Variants in TLR9 observed in about 807,000 individuals in gnomAD.
The protein encoded by TLR9 is toll-like receptor 9.
A neutral mutation model predicts 24.6 loss-of-function variants in TLR9; 19 were observed. That is an observed-to-expected ratio of 0.77 (90% confidence interval 0.54 to 1.13). TLR9 has a LOEUF of 1.13. TLR9 is among the 50% of genes most tolerant of loss of function. The probability of loss-of-function intolerance (pLI) is 0.00; values close to 1 mark genes in which losing one functional copy is unlikely to be tolerated. For synonymous variants in TLR9, 579 were observed against 609.8 expected (o/e 0.95, Z 0.74); for missense variants, 1,065 against 1,379.6 (o/e 0.77, Z 3.61).
Position 52,221,740 on chromosome 3 carries a change from C to A in TLR9, c.2576G>T (p.Arg859Leu), listed in dbSNP as rs763585272. The change falls in exon 2 of 2, where the codon CGG (arginine) becomes CTG (leucine). Residue 859 changes from arginine to leucine, a missense_variant. By Grantham distance (102) the Arg-to-Leu change is moderately radical. Coordinates refer to ENST00000360658, the MANE Select transcript of TLR9 (RefSeq NM_017442.4). This position sits in a 1 kb window ranked among gnomAD's most constrained non-coding sequence, Gnocchi z 9.9. The stretch of plus-strand genomic sequence containing the variant: ...GGCATCCTCATCTCGCCCACTTTGC[C>A]GCCCCCGCCAGGGAAGCCAGGCCAG... ...LCLAWLPWRG[R>L]QSGRDEDALP... is the part of the protein sequence containing the mutation. 1 of 1,613,910 alleles carries A rather than the reference C, an allele frequency of 6.2e-7. No homozygotes were observed. The highest frequency in any genetic ancestry group is 1.7e-5 in the Admixed American group (1 of 60,024).
chr3:52,223,605 A>G lies in TLR9; in HGVS notation c.711T>C (p.Pro237=), dbSNP rs1425117033. The G allele has an allele frequency of 5.8e-6, 9 of 1,545,042 alleles. No homozygotes were observed. The East Asian group carries it at 1.4e-4, about 23-fold the overall frequency. The stretch of plus-strand genomic sequence containing the variant: ...GGGCGGTCAGATTGGCCAGGTCCTC[A>G]GGCGCCAGTTTGACGATGCGGTTGT... The part of the protein sequence containing the change: ...LSYNRIVKLA[P]EDLANLTALR... The change falls in exon 2 of 2, where the codon CCT becomes CCC. Residue 237 remains proline, a synonymous_variant. Coordinates refer to ENST00000360658, the MANE Select transcript of TLR9 (RefSeq NM_017442.4).
chr3:52,222,234 A>T lies in TLR9; in HGVS notation c.2082T>A (p.Asn694Lys), dbSNP rs965741284. 1 of 1,614,116 alleles carries T rather than the reference A, an allele frequency of 6.2e-7. No homozygotes were observed. The highest frequency in any genetic ancestry group is 1.1e-5 in the South Asian group (1 of 91,088). The change falls in exon 2 of 2, where the codon AAT becomes AAA. Residue 694 changes from asparagine (N) to lysine (K), a missense_variant. By Grantham distance (94) the Asn-to-Lys change is moderately conservative. Transcript: ENST00000360658. ...LAGNQLKALT[N>K]GSLPAGTRLR... ...GCCGGGTGCCAGCAGGCAGGCTGCC[A>T]TTGGTCAGGGCCTTCAGCTGGTTTC... is the stretch of plus-strand genomic sequence containing the variant.
At position 52,222,324 on chromosome 3, in the gene TLR9, G is replaced by A; in HGVS notation, c.1992C>T (p.Tyr664=). 6.2e-7 allele frequency: 1 copy of A among 1,614,216 alleles called. No individual in the cohort carries two copies. The highest frequency in any genetic ancestry group is 1.1e-5 in the South Asian group (1 of 91,090). The change falls in exon 2 of 2, where the codon TAC becomes TAT. Residue 664 remains tyrosine (Y), a synonymous_variant. Transcript: ENST00000360658. ...GGCTCCACCACTTAAAGAAGGCCAGGTAATTGTCACGGAGACGCAGCACCT... is the reference window on the plus strand; with the variant it reads ...GGCTCCACCACTTAAAGAAGGCCAGATAATTGTCACGGAGACGCAGCACCT... ...SLQVLRLRDN[Y]LAFFKWWSLH...
chr3:52,224,404 C>T, intron 1 of TLR9, 92 bp from the exon 2 acceptor site: 1 of 1,039,332 alleles, frequency 9.6e-7, no homozygotes, highest in Non-Finnish European at 1.4e-6. Flanking sequence ...TCTTCCAACC[C>T]CTCTCTCCAA....
chr3:52,225,538 G>A lies in TLR9; in HGVS notation c.-9C>T. The A allele has an allele frequency of 1.3e-6, 2 of 1,584,896 alleles. No homozygotes were observed. The highest frequency in any genetic ancestry group is 1.9e-5 in the Admixed American group (1 of 51,862). Reference sequence around the variant, plus strand: ...AGCTGTTGTCCTACCATGCTGGGGGGCAGGGGCTTCTCCAGAGGGTCTGGC... The same window carrying A: ...AGCTGTTGTCCTACCATGCTGGGGGACAGGGGCTTCTCCAGAGGGTCTGGC... On this transcript the variant is annotated 5_prime_UTR_variant, in exon 1 of 2. Coordinates refer to ENST00000360658, the MANE Select transcript of TLR9 (RefSeq NM_017442.4).
rs1451633895 is a variant in TLR9, at chr3:52,225,598, T to G, written c.-69A>C. 3 of 1,570,474 alleles carry G rather than the reference T, an allele frequency of 1.9e-6. No individual in the cohort carries two copies. The highest frequency in any genetic ancestry group is 2.3e-5 in the South Asian group (2 of 85,548). On this transcript the variant is annotated 5_prime_UTR_variant, in exon 1 of 2. Coordinates refer to ENST00000360658, the MANE Select transcript of TLR9 (RefSeq NM_017442.4). ...GGACAGCAGCTACAGGGAAGGATGC[T>G]TCACACTCGAGGTCCCTTCCCACAG...
In TLR9 at chr3:52,222,599, G is replaced by C; in HGVS notation, c.1717C>G (p.His573Asp). The change falls in exon 2 of 2, where the codon CAC becomes GAC. Residue 573 changes from histidine to aspartate, a missense_variant. His to Asp is a moderately conservative substitution (Grantham distance 81). Coordinates refer to ENST00000360658, the MANE Select transcript of TLR9 (RefSeq NM_017442.4). ...CTGAGGTGGCGCAGGGTGCGCAGGT[G>C]AGCCACGAAGCTGAAGTTGTGGCCC... is the stretch of plus-strand genomic sequence containing the variant. ...GVGHNFSFVAHLRTLRHLSLA... is the reference protein window; with the variant it reads ...GVGHNFSFVADLRTLRHLSLA... 6.2e-7 allele frequency: 1 copy of C among 1,614,144 alleles called. No homozygotes were observed. Among genetic ancestry groups the C allele is most frequent in the South Asian group, 1.1e-5 (1 of 91,090 alleles).
chr3:52,222,426 C>G lies in TLR9; in HGVS notation c.1890G>C (p.Leu630Phe). The change falls in exon 2 of 2, where the codon TTG becomes TTC. Residue 630 changes from leucine (L) to phenylalanine (F), a missense_variant. Coordinates refer to ENST00000360658, the MANE Select transcript of TLR9 (RefSeq NM_017442.4). ...YLHFFQGLSG[L>F]IWLDLSQNRL... is the part of the protein sequence containing the mutation. Reference sequence around the variant, plus strand: ...GGTTCTGGGACAAGTCCAGCCAGATCAAACCGCTCAGGCCTTGGAAGAAGT... The same window carrying G: ...GGTTCTGGGACAAGTCCAGCCAGATGAAACCGCTCAGGCCTTGGAAGAAGT... The G allele has an allele frequency of 6.2e-7, 1 of 1,614,216 alleles. No homozygotes were observed.
rs752974071 is a variant in TLR9, at chr3:52,222,248, T to C, written c.2068A>G (p.Lys690Glu). 1 of 1,614,124 alleles carries C rather than the reference T, an allele frequency of 6.2e-7. No homozygotes were observed. The highest frequency in any genetic ancestry group is 2.2e-5 in the East Asian group (1 of 44,894). ...GGCAGGCTGCCATTGGTCAGGGCCT[T>C]CAGCTGGTTTCCTGCCAGGTCGAGG... ...EVLDLAGNQL[K>E]ALTNGSLPAG... Residue 690 changes from lysine to glutamate, a missense_variant, in exon 2 of 2, where the codon AAG becomes GAG. Transcript: ENST00000360658.
rs1431366387 is a variant in TLR9, at chr3:52,223,966, C to T, written c.350G>A (p.Ser117Asn). 6.3e-7 allele frequency: 1 copy of T among 1,593,758 alleles called. No homozygotes were observed. The highest frequency in any genetic ancestry group is 8.6e-7 in the Non-Finnish European group (1 of 1,166,710). The change falls in exon 2 of 2, where the codon AGC becomes AAC. Residue 117 changes from serine (S) to asparagine (N), a missense_variant. Ser to Asn is a conservative substitution (Grantham distance 46). Coordinates refer to ENST00000360658, the MANE Select transcript of TLR9 (RefSeq NM_017442.4). ...HFPCHMTIEP[S>N]TFLAVPTLEE... ...CAGGGTGGGCACAGCCAAGAAGGTG[C>T]TGGGCTCGATGGTCATGTGGCAGGG...
Position 52,222,381 on chromosome 3 carries a change from G to A in TLR9, c.1935C>T (p.Pro645=). The A allele has an allele frequency of 1.9e-6, 3 of 1,614,218 alleles. No individual in the cohort carries two copies. Among genetic ancestry groups the A allele is most frequent in the Non-Finnish European group, 2.5e-6 (3 of 1,180,040 alleles). ...TCTTGGGGAGGTTGCGCAGGGTTTG[G>A]GGCAGGAGGGTGTGCAGGCGGTTCT... ...LSQNRLHTLL[P]QTLRNLPKSL... Residue 645 remains proline, a synonymous_variant, in exon 2 of 2, where the codon CCC becomes CCT. Transcript: ENST00000360658.
In TLR9 at chr3:52,223,737, A is replaced by G; in HGVS notation, c.579T>C (p.Gly193=). 1 of 1,570,078 alleles carries G rather than the reference A, an allele frequency of 6.4e-7. No homozygotes were observed. The highest frequency in any genetic ancestry group is 8.6e-7 in the Non-Finnish European group (1 of 1,157,114). The change falls in exon 2 of 2, where the codon GGT becomes GGC. Residue 193 remains glycine (G), a synonymous_variant. Transcript: ENST00000360658. ...TGAGGTTGCCCAGGCCAAGGAGGGC[A>G]CCCGGGGCCACCTCCAGTGCCTGCC... ...PCRQALEVAP[G]ALLGLGNLTH...
At chr3:52,224,631 GTC>G (rs1410373194) in intron 1 of TLR9, among the ~76,000 whole-genome samples, 1 of 152,072 alleles carries the variant, frequency 6.6e-6, no homozygotes, top group Non-Finnish European at 1.5e-5. Context: ...GCCCCCCCTG[GTC>G]TCTCCCCGAC....
Position 52,222,596 on chromosome 3 carries a change from G to T in TLR9, c.1720C>A (p.Leu574Met). 6.2e-7 allele frequency: 1 copy of T among 1,614,116 alleles called. No homozygotes were observed. The highest frequency in any genetic ancestry group is 8.5e-7 in the Non-Finnish European group (1 of 1,180,026). ...VGHNFSFVAH[L>M]RTLRHLSLAH... ...AGGCTGAGGTGGCGCAGGGTGCGCA[G>T]GTGAGCCACGAAGCTGAAGTTGTGG... is the stretch of plus-strand genomic sequence containing the variant. The change falls in exon 2 of 2, where the codon CTG (leucine) becomes ATG (methionine). Residue 574 changes from leucine to methionine, a missense_variant. By Grantham distance (15) the Leu-to-Met change is conservative (BLOSUM62 2). Transcript: ENST00000360658.
Position 52,221,603 on chromosome 3 carries a change from G to A in TLR9, c.2713C>T (p.Arg905Cys), listed in dbSNP as rs199785727. The A allele has an allele frequency of 8.1e-6, 13 of 1,613,414 alleles. No homozygotes were observed. The highest frequency in any genetic ancestry group is 4.5e-5 in the East Asian group (2 of 44,874). The change falls in exon 2 of 2, where the codon CGC (arginine) becomes TGC (cysteine). Residue 905 changes from arginine (R) to cysteine (C), a missense_variant. Transcript: ENST00000360658. The surrounding 1 kb of genome is among the most constrained non-coding windows in gnomAD (Gnocchi z 9.9). The stretch of plus-strand genomic sequence containing the variant: ...CAGTCGCGTTCCTCCAGGCACAGGC[G>A]GAGTGCCCAGCGCCCACGGCACTCC... ...LEECRGRWAL[R>C]LCLEERDWLP...
In TLR9 at chr3:52,222,676, A is replaced by C; in HGVS notation, c.1640T>G (p.Leu547Arg). 1 of 1,613,502 alleles carries C rather than the reference A, an allele frequency of 6.2e-7. No individual in the cohort carries two copies. Among genetic ancestry groups the C allele is most frequent in the Non-Finnish European group, 8.5e-7 (1 of 1,179,506 alleles). Residue 547 changes from leucine to arginine, a missense_variant, in exon 2 of 2, where the codon CTG becomes CGG. Coordinates refer to ENST00000360658, the MANE Select transcript of TLR9 (RefSeq NM_017442.4). ...GTTGTAGCTGAGGTCCAGGGCCTCCAGTCGCGGTAGCTCCGTGAATGAGTG... is the reference window on the plus strand; with the variant it reads ...GTTGTAGCTGAGGTCCAGGGCCTCCCGTCGCGGTAGCTCCGTGAATGAGTG... ...HEHSFTELPRLEALDLSYNSQ... is the reference protein window; with the variant it reads ...HEHSFTELPRREALDLSYNSQ...
chr3:52,224,233 G>T lies in TLR9; in HGVS notation c.83C>A (p.Thr28Asn). 1.9e-6 allele frequency: 3 copies of T among 1,613,452 alleles called. No individual in the cohort carries two copies. The highest frequency in any genetic ancestry group is 2.5e-6 in the Non-Finnish European group (3 of 1,179,632). Reference sequence around the variant, plus strand: ...CTCACAGGGTAGGAAGGCAGGCAAGGTACCCAGGGCCAGGGTCATGGCCAG... The same window carrying T: ...CTCACAGGGTAGGAAGGCAGGCAAGTTACCCAGGGCCAGGGTCATGGCCAG... ...IMLAMTLALG[T>N]LPAFLPCELQ... Residue 28 changes from threonine (T) to asparagine (N), a missense_variant, in exon 2 of 2, where the codon ACC (threonine) becomes AAC (asparagine). Thr to Asn is a moderately conservative substitution (Grantham distance 65). Coordinates refer to ENST00000360658, the MANE Select transcript of TLR9 (RefSeq NM_017442.4).
chr3:52,222,930 G>C lies in TLR9; in HGVS notation c.1386C>G (p.Ser462Arg), dbSNP rs201133673. 3.4e-5 allele frequency: 54 copies of C among 1,601,482 alleles called. No homozygotes were observed. The highest frequency in any genetic ancestry group is 3.3e-4 in the Middle Eastern group (2 of 6,036). The change falls in exon 2 of 2, where the codon AGC becomes AGG. Residue 462 changes from serine to arginine, a missense_variant. By Grantham distance (110) the Ser-to-Arg change is moderately radical. Transcript: ENST00000360658. The part of the protein sequence containing the change: ...DLAPAPVDTP[S>R]SEDFRPNCST... Reference sequence around the variant, plus strand: ...TGCAGTTGGGCCTGAAGTCTTCAGAGCTGGGAGTGTCCACTGGGGCCGGAG... The same window carrying C: ...TGCAGTTGGGCCTGAAGTCTTCAGACCTGGGAGTGTCCACTGGGGCCGGAG...
Position 52,222,318 on chromosome 3 carries a change from G to A in TLR9, c.1998C>T (p.Ala666=). 2 of 1,614,226 alleles carry A rather than the reference G, an allele frequency of 1.2e-6. No individual in the cohort carries two copies. The highest frequency in any genetic ancestry group is 1.7e-6 in the Non-Finnish European group (2 of 1,180,038). The change falls in exon 2 of 2, where the codon GCC becomes GCT. Residue 666 remains alanine (A), a synonymous_variant. Transcript: ENST00000360658. ...AGTGGAGGCTCCACCACTTAAAGAA[G>A]GCCAGGTAATTGTCACGGAGACGCA... ...QVLRLRDNYL[A]FFKWWSLHFL...
Sources: gnomAD v4.1 joint callset for allele counts (sites outside exome capture counted in the v4.1 genomes callset) on GRCh38, gnomAD v4.1.1 for gene constraint, Gnocchi (gnomAD v3.1) non-coding constraint, MANE v1.5 for transcripts, NCBI Gene and HGNC (gene_info 2026-07-23, HGNC 2026-07-21) for gene names.